Variants in PHEX observed in about 807,000 individuals in gnomAD.
The protein encoded by PHEX is phosphate-regulating neutral endopeptidase PHEX.
In PHEX, 16 loss-of-function variants were observed where a neutral mutation model predicts 68.0. The observed-to-expected ratio is 0.24, with a 90% CI of 0.16 to 0.36. PHEX has a LOEUF of 0.36. Ranked by LOEUF, PHEX falls within the 10% of genes least tolerant of loss-of-function variation. The pLI is 1.00. For missense variants in PHEX, 480 were observed against 575.5 expected (o/e 0.83, Z 1.70); for synonymous variants, 208 against 205.1 (o/e 1.01, Z -0.12).
chrX:22,119,483 T>G (rs1388895520), intron 11 of PHEX, among the ~76,000 whole-genome samples: 2 of 111,725 alleles, frequency 1.8e-5, no homozygotes, highest in Non-Finnish European at 3.8e-5. Context: ...GCTCATGACC[T>G]AAATGGCAGG....
At chrX:22,080,995 A>G (rs1929367778) in intron 5 of PHEX, among the ~76,000 whole-genome samples, 1 of 111,983 alleles carries the variant, frequency 8.9e-6, no homozygotes, top group African/African-American at 3.2e-5. Context: ...TGACCCAGCA[A>G]CTGGTCAGGA....
chrX:22,186,256 G>GA (rs199611658), intron 14 of PHEX, among the ~76,000 whole-genome samples: 2,046 of 111,998 alleles, frequency 0.018, 52 homozygotes, highest in African/African-American at 0.063. Flanking sequence ...TGAGAAAGAA[G>GA]AAGGGAGGGA....
chrX:22,245,194 G>A lies in PHEX; in HGVS notation c.2071-139G>A, dbSNP rs145172648. ...AATAATAGATGTTATTACAGATGACGGTTTTATTTGATCTTCTAAAACTGT... is the reference window on the plus strand; with the variant it reads ...AATAATAGATGTTATTACAGATGACAGTTTTATTTGATCTTCTAAAACTGT... On this transcript the variant is annotated intron_variant, in intron 20 of 21. Coordinates refer to ENST00000379374, the MANE Select transcript of PHEX (RefSeq NM_000444.6). The A allele has an allele frequency of 1.6e-3, 888 of 561,942 alleles. 2 individuals are homozygous for A. In the African/African-American group the frequency reaches 0.018, roughly 11 times the overall value. 46.3% of individuals were successfully genotyped at this position (561,942 alleles called of 1,213,427 possible). A position where few individuals can be genotyped will look rare whatever the true frequency, so the allele number is the denominator to read the frequency against.
At chrX:22,180,207 T>C (rs1933842601) in intron 14 of PHEX, among the ~76,000 whole-genome samples, 1 of 110,958 alleles carries the variant, frequency 9.0e-6, no homozygotes, top group Non-Finnish European at 1.9e-5. Flanking sequence ...CTTAAACACC[T>C]TGAGTCCATA....
chrX:22,168,012 C>T (rs760286359), intron 12 of PHEX, among the ~76,000 whole-genome samples: 1 of 111,568 alleles, frequency 9.0e-6, no homozygotes, highest in Non-Finnish European at 1.9e-5. Context: ...CTCCATTAAG[C>T]ATTTTCTCCA....
intron 9 of PHEX, among the ~76,000 whole-genome samples, chrX:22,102,818 C>A (rs191769295): frequency 1.8e-5 from 2 of 111,979 alleles, no homozygotes; most frequent in East Asian, 5.7e-4. Context: ...TTCTGAGGAT[C>A]CCCCCACCTC....
chrX:22,209,141 TGTG>T (rs1482581047), intron 15 of PHEX, among the ~76,000 whole-genome samples: 2 of 111,117 alleles, frequency 1.8e-5, no homozygotes, highest in Admixed American at 1.9e-4. Context: ...TAACAGCAGA[TGTG>T]GTGAGTGTGG....
intron 9 of PHEX, among the ~76,000 whole-genome samples, chrX:22,108,333 T>TAATG (rs1930794715): frequency 9.0e-6 from 1 of 110,977 alleles, no homozygotes; most frequent in Admixed American, 9.7e-5. Flanking sequence ...CAGAGTGGTA[T>TAATG]AATGGACTTT....
chrX:22,196,741 G>T (rs920445820), intron 15 of PHEX, among the ~76,000 whole-genome samples: 1 of 112,068 alleles, frequency 8.9e-6, no homozygotes, highest in African/African-American at 3.2e-5. Context: ...AACAAGCATG[G>T]CCTAAGGGCT....
At chrX:22,072,780 G>A (rs1928963354) in intron 3 of PHEX, among the ~76,000 whole-genome samples, 1 of 111,927 alleles carries the variant, frequency 8.9e-6, no homozygotes, top group Non-Finnish European at 1.9e-5. Flanking sequence ...TGGGGTTCCA[G>A]TAATAATGCT....
At chrX:22,107,109 C>T (rs1466431565) in intron 9 of PHEX, among the ~76,000 whole-genome samples, 1 of 112,014 alleles carries the variant, frequency 8.9e-6, no homozygotes, top group African/African-American at 3.2e-5. Flanking sequence ...AGCCTGAAGT[C>T]TCCTCATATG....
rs180720185 is a variant in PHEX, at chrX:22,182,575, G to T, written c.1586+4199G>T. 5.7e-5 allele frequency among the ~76,000 whole-genome samples: 6 copies of T among 105,979 alleles called. No homozygotes were observed. In the East Asian group the frequency reaches 1.8e-3, roughly 32 times the overall value. 92.0% of individuals were successfully genotyped at this position (105,979 alleles called of 115,157 possible). ...ATTGTGATTGTTCACCTGGATTTTG[G>T]TTCTTATGAAGATGCTTTGTGTGTG... is the stretch of plus-strand genomic sequence containing the variant. On this transcript the variant is annotated intron_variant, in intron 14 of 21. Coordinates refer to ENST00000379374, the MANE Select transcript of PHEX (RefSeq NM_000444.6).
Position 22,242,263 on chromosome X carries a change from C to T in PHEX, c.2071-3070C>T, listed in dbSNP as rs765237072. ...TAAAAACTCTCAATAAACTAGGTATCGATGGAACGTATCTCAAAATAATAA... is the reference window on the plus strand; with the variant it reads ...TAAAAACTCTCAATAAACTAGGTATTGATGGAACGTATCTCAAAATAATAA... On this transcript the variant is annotated intron_variant, in intron 20 of 21. Coordinates refer to ENST00000379374, the MANE Select transcript of PHEX (RefSeq NM_000444.6). 1.3e-3 allele frequency among the ~76,000 whole-genome samples: 143 copies of T among 111,724 alleles called. 1 individual carries two copies. Among genetic ancestry groups the T allele is most frequent in the African/African-American group, 4.4e-3 (135 of 30,782 alleles).
chrX:22,108,276 A>G (rs1369541894), intron 9 of PHEX, among the ~76,000 whole-genome samples: 1 of 111,696 alleles, frequency 9.0e-6, no homozygotes, highest in Non-Finnish European at 1.9e-5. Flanking sequence ...AGAACATTTT[A>G]GAACTTCTAT....
intron 12 of PHEX, among the ~76,000 whole-genome samples, chrX:22,164,656 CTTCTT>C (rs1186747983): frequency 8.9e-6 from 1 of 112,215 alleles, no homozygotes; most frequent in Non-Finnish European, 1.9e-5. Context: ...CTTTTCTTTT[CTTCTT>C]TTCTTTTCTC....
Position 22,033,003 on chromosome X carries a change from C to G in PHEX, c.-3C>G. 2 of 1,194,034 alleles carry G rather than the reference C, an allele frequency of 1.7e-6. No homozygotes were observed. The highest frequency in any genetic ancestry group is 2.3e-6 in the Non-Finnish European group (2 of 879,933). On this transcript the variant is annotated 5_prime_UTR_variant, in exon 1 of 22. Coordinates refer to ENST00000379374, the MANE Select transcript of PHEX (RefSeq NM_000444.6). Reference sequence around the variant, plus strand: ...TTCTCGTGTGCTCTCTACGGCCCTTCTGATGGAAGCAGAAACAGGGAGCAG... The same window carrying G: ...TTCTCGTGTGCTCTCTACGGCCCTTGTGATGGAAGCAGAAACAGGGAGCAG...
chrX:22,131,255 G>C (rs192872916), intron 11 of PHEX, among the ~76,000 whole-genome samples: 157 of 110,907 alleles, frequency 1.4e-3, no homozygotes, highest in African/African-American at 4.7e-3. Context: ...TGGCCAGGCT[G>C]GTCTCGAACT....
intron 15 of PHEX, among the ~76,000 whole-genome samples, chrX:22,200,467 A>G (rs1243958994): frequency 4.5e-5 from 5 of 110,267 alleles, no homozygotes; most frequent in Admixed American, 9.7e-5. Flanking sequence ...AAATTAGCTG[A>G]GCATGGTGGC....
chrX:22,209,185 T>A (rs777556599), intron 15 of PHEX, among the ~76,000 whole-genome samples: 1 of 111,146 alleles, frequency 9.0e-6, no homozygotes, highest in Non-Finnish European at 1.9e-5. Context: ...CTGAGGCAGT[T>A]GGTCATGTTG....
Sources: gnomAD v4.1 joint callset for allele counts (sites outside exome capture counted in the v4.1 genomes callset) on GRCh38, gnomAD v4.1.1 for gene constraint, MANE v1.5 for transcripts, NCBI Gene and HGNC (gene_info 2026-07-23, HGNC 2026-07-21) for gene names.